NOL4L: variants seen among roughly 807,000 people sequenced by gnomAD.
NOL4L encodes the protein nucleolar protein 4-like.
In NOL4L, 7 loss-of-function variants were observed where a neutral mutation model predicts 64.5. The ratio of observed to expected loss-of-function variants is 0.11; its 90% CI spans 0.06 to 0.20. NOL4L has a LOEUF of 0.20. Among genes scored for constraint, NOL4L ranks in the 10% least tolerant of loss-of-function variants. NOL4L has a pLI of 1.00. For missense variants in NOL4L, 680 were observed against 967.1 expected (o/e 0.70, Z 3.94); for synonymous variants, 413 against 401.0 (o/e 1.03, Z -0.36).
At chr20:32,477,918 G>A (rs1287687973) in intron 4 of NOL4L, among the ~76,000 whole-genome samples, 4 of 152,226 alleles carry the variant, frequency 2.6e-5, no homozygotes, top group South Asian at 2.1e-4. Flanking sequence ...GTGCCCACAG[G>A]CACGGGACTT....
At chr20:32,448,568 A>AT (rs2012548944) in intron 10 of NOL4L, among the ~76,000 whole-genome samples, 1 of 152,108 alleles carries the variant, frequency 6.6e-6, no homozygotes, top group Non-Finnish European at 1.5e-5. Flanking sequence ...AGCACCTCGA[A>AT]TCCCCCCTCC....
At position 32,460,414 on chromosome 20, in the gene NOL4L, C is replaced by T. The variant is rs1362987244; in HGVS notation, c.842-4019G>A. Among the ~76,000 whole-genome samples the T allele has an allele frequency of 6.6e-6, 1 of 152,224 alleles. No homozygotes were observed. Among genetic ancestry groups the T allele is most frequent in the Non-Finnish European group, 1.5e-5 (1 of 68,044 alleles). Reference sequence around the variant, plus strand: ...CCGGCATGCCAGCCCCCACCCCACACAGCTGCCCCCGCGCCACATGCTCTG... The same window carrying T: ...CCGGCATGCCAGCCCCCACCCCACATAGCTGCCCCCGCGCCACATGCTCTG... On this transcript the variant is annotated intron_variant, in intron 5 of 10. Coordinates refer to ENST00000621426, the MANE Select transcript of NOL4L (RefSeq NM_001256798.2). This position sits in a 1 kb window ranked among gnomAD's most constrained non-coding sequence, Gnocchi z 5.7.
chr20:32,456,010 C>A, intron 6 of NOL4L, 108 bp downstream of exon 6: 3 of 1,242,716 alleles, frequency 2.4e-6, no homozygotes, highest in Non-Finnish European at 3.2e-6. Flanking sequence ...GGCTCGGTGT[C>A]ACACACATGG....
chr20:32,581,103 T>C (rs1020194957), intron 1 of NOL4L, among the ~76,000 whole-genome samples: 3 of 152,106 alleles, frequency 2.0e-5, no homozygotes, highest in Admixed American at 6.5e-5. Flanking sequence ...CTGGCTCTTG[T>C]CATAAAGAGA....
intron 1 of NOL4L, among the ~76,000 whole-genome samples, chr20:32,533,951 T>C (rs1019207281): frequency 1.3e-5 from 2 of 152,240 alleles, no homozygotes; most frequent in African/African-American, 4.8e-5. Context: ...GCCAATTAAA[T>C]GGACCCCTGC....
chr20:32,532,399 T>G, intron 1 of NOL4L: 5 of 985,356 alleles, frequency 5.1e-6, no homozygotes, highest in Non-Finnish European at 6.0e-6. Context: ...GATGTCTACG[T>G]GGCCTTCAAG....
intron 2 of NOL4L, among the ~76,000 whole-genome samples, 195 bp downstream of exon 2, chr20:32,527,563 C>A (rs2018177758): frequency 6.6e-6 from 1 of 152,098 alleles, no homozygotes. Context: ...GTGCTCAGAC[C>A]ACAGATTCCC....
chr20:32,447,378 T>C lies in NOL4L; in HGVS notation c.*218A>G, dbSNP rs1228566827. On this transcript the variant is annotated 3_prime_UTR_variant, in exon 11 of 11. Transcript: ENST00000621426. Reference sequence around the variant, plus strand: ...GCCCCGTTGGCCTCTTCCAAGCAGGTCAGAGCACCCGTGTGGTGAGATTCC... The same window carrying C: ...GCCCCGTTGGCCTCTTCCAAGCAGGCCAGAGCACCCGTGTGGTGAGATTCC... 3.3e-6 allele frequency: 2 copies of C among 598,396 alleles called. No homozygotes were observed. Among genetic ancestry groups the C allele is most frequent in the Non-Finnish European group, 5.3e-6 (2 of 379,390 alleles). 37.1% of individuals were successfully genotyped at this position (598,396 alleles called of 1,614,324 possible).
chr20:32,482,468 A>C (rs1459884259), intron 4 of NOL4L, among the ~76,000 whole-genome samples: 2 of 152,094 alleles, frequency 1.3e-5, no homozygotes, highest in African/African-American at 4.8e-5. Flanking sequence ...GAGCGGCTGG[A>C]ATAAAAATGC....
In NOL4L at chr20:32,462,915, A is replaced by AAAAAAAAAAAAAAAAC. The variant is rs1389511738; in HGVS notation, c.842-6521_842-6520insGTTTTTTTTTTTTTTT. On this transcript the variant is annotated intron_variant, in intron 5 of 10. Transcript: ENST00000621426. ...CGAGACTCTGTCTTAAAAAAAAAAA[A>AAAAAAAAAAAAAAAAC]AAAAAAAACTGATTTAAAAGAGACA... Among the ~76,000 whole-genome samples the AAAAAAAAAAAAAAAAC allele has an allele frequency of 4.0e-5, 6 of 150,376 alleles. 1 individual carries two copies. Among genetic ancestry groups the AAAAAAAAAAAAAAAAC allele is most frequent in the African/African-American group, 4.9e-5 (2 of 40,998 alleles).
chr20:32,488,873 TTC>T (rs1491163082), intron 4 of NOL4L, among the ~76,000 whole-genome samples: 1 of 105,564 alleles, frequency 9.5e-6, no homozygotes, highest in South Asian at 2.9e-4. Flanking sequence ...CTTTCTTTCT[TTC>T]TTTCTTTCTT....
At chr20:32,521,954 C>G (rs372098427) in intron 2 of NOL4L, among the ~76,000 whole-genome samples, 1 of 152,384 alleles carries the variant, frequency 6.6e-6, no homozygotes, top group East Asian at 1.9e-4. Context: ...GGAAAGTTGG[C>G]CAAGGGTGAG....
chr20:32,571,839 G>A (rs542435198), intron 1 of NOL4L, among the ~76,000 whole-genome samples: 4 of 152,376 alleles, frequency 2.6e-5, no homozygotes, highest in African/African-American at 9.6e-5. Flanking sequence ...TGGTCTCACA[G>A]GAGCCGGCAG....
intron 4 of NOL4L, chr20:32,485,517 T>A (rs1202074538): frequency 1.0e-5 from 3 of 288,122 alleles, no homozygotes; most frequent in Non-Finnish European, 2.1e-5. Context: ...ACTTTCTTTT[T>A]AAAAGAGGGT....
intron 2 of NOL4L, among the ~76,000 whole-genome samples, chr20:32,521,847 T>C (rs985385808): frequency 1.3e-5 from 2 of 152,194 alleles, no homozygotes; most frequent in East Asian, 1.9e-4. Context: ...TGGTTTTCCA[T>C]GTGCTTCCTG....
intron 4 of NOL4L, among the ~76,000 whole-genome samples, chr20:32,482,854 G>T (rs1415065493): frequency 6.7e-6 from 1 of 148,524 alleles, no homozygotes; most frequent in African/African-American, 2.5e-5. Context: ...TTCCCTTCTC[G>T]TGGCGGCCGC....
chr20:32,461,689 T>G (rs2014081687), intron 5 of NOL4L, among the ~76,000 whole-genome samples: 1 of 151,518 alleles, frequency 6.6e-6, no homozygotes, highest in African/African-American at 2.4e-5. Flanking sequence ...CCCAAAGTGC[T>G]GGGATTATAG....
At chr20:32,540,354 C>A (rs113959211) in intron 1 of NOL4L, among the ~76,000 whole-genome samples, 1 of 152,224 alleles carries the variant, frequency 6.6e-6, no homozygotes, top group Admixed American at 6.5e-5. Context: ...GTGACTGTCA[C>A]ACACAGTTAA....
Position 32,453,248 on chromosome 20 carries a change from G to T in NOL4L, c.1497+56C>A. The T allele has an allele frequency of 6.4e-7, 1 of 1,573,894 alleles. No individual in the cohort carries two copies. The highest frequency in any genetic ancestry group is 8.7e-7 in the Non-Finnish European group (1 of 1,153,870). The stretch of plus-strand genomic sequence containing the variant: ...GGGGCCCGGGCATCCTGGGAGTGTG[G>T]CAGGAGGTCAGTAGTGGCACCGAGG... On this transcript the variant is annotated intron_variant, in intron 8 of 10. Coordinates refer to ENST00000621426, the MANE Select transcript of NOL4L (RefSeq NM_001256798.2). This position sits in a 1 kb window ranked among gnomAD's most constrained non-coding sequence, Gnocchi z 5.6.
Sources: gnomAD v4.1 joint callset for allele counts (sites outside exome capture counted in the v4.1 genomes callset) on GRCh38, gnomAD v4.1.1 for gene constraint, Gnocchi (gnomAD v3.1) non-coding constraint, MANE v1.5 for transcripts, NCBI Gene and HGNC (gene_info 2026-07-23, HGNC 2026-07-21) for gene names.